UNG: variants seen among roughly 807,000 people sequenced by gnomAD.
UNG encodes uracil-DNA glycosylase.
A neutral mutation model predicts 36.5 loss-of-function variants in UNG; 34 were observed. That is an observed-to-expected ratio of 0.93 (90% CI 0.71 to 1.24). The LOEUF is 1.24. Ranked by LOEUF, UNG falls within the 50% of genes most tolerant of loss-of-function variation. The pLI, the probability that UNG is intolerant of heterozygous loss-of-function variation, is 0.00. For missense variants in UNG, 391 were observed against 397.6 expected (o/e 0.98, Z 0.14); for synonymous variants, 172 against 157.8 (o/e 1.09, Z -0.67).
chr12:109,108,327 CTTTCTT>C (rs1263271473), intron 6 of UNG, among the ~76,000 whole-genome samples: 1 of 150,804 alleles, frequency 6.6e-6, no homozygotes, highest in Non-Finnish European at 1.5e-5. Context: ...GTTTTTTTTT[CTTTCTT>C]TAAGAGACAG....
chr12:109,106,905 G>GTATATATATATATA (rs377199226), intron 6 of UNG, among the ~76,000 whole-genome samples: 3 of 44,752 alleles, frequency 6.7e-5, no homozygotes, highest in African/African-American at 4.6e-4. Context: ...ATATATATAC[G>GTATATATATATATA]TATATATATA....
intron 6 of UNG, among the ~76,000 whole-genome samples, chr12:109,107,677 C>G (rs1177888702): frequency 1.3e-5 from 2 of 151,840 alleles, no homozygotes; most frequent in African/African-American, 4.8e-5. Context: ...AGGCATGTAC[C>G]ACCACATCCA....
chr12:109,104,915 T>A (rs923687382), intron 6 of UNG, among the ~76,000 whole-genome samples: 3 of 152,052 alleles, frequency 2.0e-5, no homozygotes, highest in African/African-American at 7.2e-5. Context: ...GGGTACTAGG[T>A]TGAGCACTTT....
In UNG at chr12:109,098,639, G is replaced by C. The variant is rs113426226; in HGVS notation, c.339+1G>C. The C allele has an allele frequency of 1.5e-5, 25 of 1,613,378 alleles. No homozygotes were observed. The highest frequency in any genetic ancestry group is 1.9e-5 in the Non-Finnish European group (23 of 1,179,922). On this transcript the variant is annotated splice_donor_variant, in intron 2 of 6. Coordinates refer to ENST00000242576, the MANE Select transcript of UNG (RefSeq NM_080911.3). LOFTEE classifies it high-confidence loss of function. ...GTTCGGGAAACCGTATTTTATCAAG[G>C]TAAATATGGAAATGCACCTTCCATA...
rs772214871 is a variant in UNG at position 109,103,495 on chromosome 12, C to T, written c.685C>T (p.Arg229Ter). ...RAHQANSHKE[R>*]GWEQFTDAVV... is the part of the protein sequence containing the mutation. ...CCATCAAGCCAACTCTCATAAGGAG[C>T]GAGGCTGGGAGCAGTTCACTGATGC... Residue 229 changes from arginine to a stop codon, truncating the protein, a stop_gained, in exon 6 of 7, where the codon CGA (arginine) becomes TGA (stop). Coordinates refer to ENST00000242576, the MANE Select transcript of UNG (RefSeq NM_080911.3). LOFTEE classifies it high-confidence loss of function. 3.1e-6 allele frequency: 5 copies of T among 1,614,068 alleles called. No homozygotes were observed. Among genetic ancestry groups the T allele is most frequent in the African/African-American group, 2.7e-5 (2 of 74,920 alleles).
At chr12:109,101,419 C>G (rs889723809) in intron 3 of UNG, among the ~76,000 whole-genome samples, 2 of 149,552 alleles carry the variant, frequency 1.3e-5, no homozygotes, top group Non-Finnish European at 3.0e-5. Context: ...CGAAAAGTAA[C>G]TGGGGGCTAG....
chr12:109,101,516 A>G (rs1490582359), intron 3 of UNG, among the ~76,000 whole-genome samples: 1 of 152,014 alleles, frequency 6.6e-6, no homozygotes, highest in African/African-American at 2.4e-5. Flanking sequence ...GACCAGCCTC[A>G]GCAACATAAG....
At chr12:109,103,369 T>G in intron 5 of UNG, 64 bp from the exon 6 acceptor site, 1 of 1,477,850 alleles carries the variant, frequency 6.8e-7, no homozygotes, top group East Asian at 2.3e-5. Context: ...ATTTAGCTCC[T>G]GTTGCTGGGT....
intron 6 of UNG, among the ~76,000 whole-genome samples, chr12:109,107,671 A>G (rs2042228314): frequency 6.6e-6 from 1 of 151,664 alleles, no homozygotes; most frequent in Non-Finnish European, 1.5e-5. Flanking sequence ...GATTACAGGC[A>G]TGTACCACCA....
At position 109,102,879 on chromosome 12, in the gene UNG, G is replaced by C; in HGVS notation, c.574G>C (p.Asp192His). The change falls in exon 5 of 7, where the codon GAT becomes CAT. Residue 192 changes from aspartate (D) to histidine (H), a missense_variant. Transcript: ENST00000242576. ...TAAAGAGTTGTCTACAGACATAGAGGATTTTGTTCATCCTGGCCATGGAGA... is the reference window on the plus strand; with the variant it reads ...TAAAGAGTTGTCTACAGACATAGAGCATTTTGTTCATCCTGGCCATGGAGA... ...IYKELSTDIE[D>H]FVHPGHGDLS... 1 of 1,612,422 alleles carries C rather than the reference G, an allele frequency of 6.2e-7. No individual in the cohort carries two copies.
rs945260117 is a variant in UNG at position 109,097,945 on chromosome 12, G to A, written c.132+134G>A. ...TCCGCTTTCCAAATAGCCTCCACGT[G>A]TTCAAAATAGCCGCCGCTGTCCCCC... On this transcript the variant is annotated intron_variant, in intron 1 of 6. Transcript: ENST00000242576. 3.0e-5 allele frequency: 39 copies of A among 1,302,994 alleles called. 1 individual carries two copies. The African/African-American group carries it at 5.4e-4, about 18-fold the overall frequency. The allele number at this position is 1,302,994 out of a possible 1,614,324, so 80.7% of individuals were successfully genotyped here.
In UNG at chr12:109,109,938, G is replaced by A. The variant is rs1555265484; in HGVS notation, c.911G>A (p.Gly304Asp). Residue 304 changes from glycine (G) to aspartate (D), a missense_variant, in exon 7 of 7, where the codon GGC becomes GAC. Coordinates refer to ENST00000242576, the MANE Select transcript of UNG (RefSeq NM_080911.3). ...ACCAATGAGCTGCTGCAGAAGTCTG[G>A]CAAGAAGCCCATTGACTGGAAGGAG... ...SKTNELLQKSGKKPIDWKEL is the reference protein window; with the variant it reads ...SKTNELLQKSDKKPIDWKEL 2 of 1,614,144 alleles carry A rather than the reference G, an allele frequency of 1.2e-6. No homozygotes were observed. Among genetic ancestry groups the A allele is most frequent in the Non-Finnish European group, 1.7e-6 (2 of 1,180,038 alleles).
rs1018783 is a variant in UNG at position 109,098,052 on chromosome 12, T to A, written c.132+241T>A. The A allele has an allele frequency of 0.18, 246,522 of 1,368,336 alleles. 24,297 individuals are homozygous for A. The highest frequency in any genetic ancestry group is 0.38 in the African/African-American group (25,657 of 67,058). 84.8% of individuals were successfully genotyped at this position (1,368,336 alleles called of 1,614,324 possible). A position where few individuals can be genotyped will look rare whatever the true frequency, so the allele number is the denominator to read the frequency against. ...CCAATCCGCGCGCCGCAGGCCCTCC[T>A]GGCTCGGTGCGCTGTCCAATCAGAG... On this transcript the variant is annotated intron_variant, in intron 1 of 6. Transcript: ENST00000242576.
intron 1 of UNG, 43 bp downstream of exon 1, chr12:109,097,854 G>T (rs1302871927): frequency 1.3e-6 from 2 of 1,483,422 alleles, no homozygotes; most frequent in East Asian, 5.0e-5. Context: ...GAAGGGGGAG[G>T]AAGGCGGTGG....
Position 109,110,809 on chromosome 12 carries a change from T to C in UNG, c.*840T>C, listed in dbSNP as rs1360564652. 6.6e-6 allele frequency: 1 copy of C among 152,092 alleles called. No individual in the cohort carries two copies. Among genetic ancestry groups the C allele is most frequent in the Non-Finnish European group, 1.5e-5 (1 of 68,032 alleles). The allele number at this position is 152,092 out of a possible 1,614,324, so 9.4% of individuals were successfully genotyped here. On this transcript the variant is annotated 3_prime_UTR_variant, in exon 7 of 7. Coordinates refer to ENST00000242576, the MANE Select transcript of UNG (RefSeq NM_080911.3). The stretch of plus-strand genomic sequence containing the variant: ...TTTTTCCTGCAACACTGGAAAGTTT[T>C]AGTTTTTTAAGAAGTACTCATGCAG...
At chr12:109,103,957 A>G (rs573651021) in intron 6 of UNG, among the ~76,000 whole-genome samples, 10 of 152,204 alleles carry the variant, frequency 6.6e-5, no homozygotes, top group Non-Finnish European at 1.5e-4. Flanking sequence ...CTTCCAAGAA[A>G]TTTGGGAACA....
intron 6 of UNG, among the ~76,000 whole-genome samples, chr12:109,108,343 G>A (rs2042232897): frequency 6.6e-6 from 1 of 152,086 alleles, no homozygotes; most frequent in Non-Finnish European, 1.5e-5. Context: ...TTAAGAGACA[G>A]GGTCTCTTGG....
At chr12:109,098,205 G>A in intron 1 of UNG, 1 of 1,441,714 alleles carries the variant, frequency 6.9e-7, no homozygotes, top group Non-Finnish European at 9.1e-7. Flanking sequence ...ACGCTCCTCG[G>A]GAAGCCATAG....
chr12:109,098,383 G>T, intron 1 of UNG, 49 bp from the exon 2 acceptor site: 1 of 1,602,108 alleles, frequency 6.2e-7, no homozygotes, highest in Non-Finnish European at 8.5e-7. Flanking sequence ...GGACGCCTGG[G>T]AAGGGGCCGC....
Sources: gnomAD v4.1 joint callset for allele counts (sites outside exome capture counted in the v4.1 genomes callset) on GRCh38, gnomAD v4.1.1 for gene constraint, MANE v1.5 for transcripts, NCBI Gene and HGNC (gene_info 2026-07-23, HGNC 2026-07-21) for gene names.